AKR1E2: variants seen among roughly 807,000 people sequenced by gnomAD.
AKR1E2 encodes aldo-keto reductase family 1 member E2.
Under a neutral mutation model 41.9 loss-of-function variants are expected in AKR1E2, and 43 were observed. The observed-to-expected ratio is 1.03, with a 90% confidence interval of 0.80 to 1.32. The LOEUF is 1.32. Ranked by LOEUF, AKR1E2 falls within the 40% of genes most tolerant of loss-of-function variation. The pLI, the probability that AKR1E2 is intolerant of heterozygous loss-of-function variation, is 0.00. For missense variants in AKR1E2, 423 were observed against 396.5 expected, an observed-to-expected ratio of 1.07 and a Z score of -0.57; for synonymous variants, 121 against 138.9, an observed-to-expected ratio of 0.87 and a Z score of 0.91.
rs568064687 is a variant in AKR1E2, at chr10:4,826,235, C to A, written c.-90C>A. On this transcript the variant is annotated 5_prime_UTR_variant, in exon 1 of 10. Coordinates refer to ENST00000298375, the MANE Select transcript of AKR1E2 (RefSeq NM_001040177.3). ...ACAAGGCACTTCCAGCCAGTCGCAA[C>A]GGCGGGTCGCCAGCGCCGCAGTAGC... 4.6e-6 allele frequency: 5 copies of A among 1,081,842 alleles called. No homozygotes were observed. The highest frequency in any genetic ancestry group is 5.9e-6 in the Non-Finnish European group (5 of 849,954). 67.0% of individuals were successfully genotyped at this position (1,081,842 alleles called of 1,614,324 possible). A position where few individuals can be genotyped will look rare whatever the true frequency, so the allele number is the denominator to read the frequency against.
chr10:4,869,276 G>A, the AKR1E2 span, among the ~76,000 whole-genome samples: 1 of 152,070 alleles, frequency 6.6e-6, no homozygotes, highest in Admixed American at 6.5e-5. Flanking sequence ...TTTTTCAGGG[G>A]AATTGGTCCA....
the AKR1E2 span, among the ~76,000 whole-genome samples, chr10:4,855,236 T>C: frequency 6.6e-6 from 1 of 152,212 alleles, no homozygotes; most frequent in Non-Finnish European, 1.5e-5. Flanking sequence ...TTATCTTCTC[T>C]TCTTTGTAAA....
At chr10:4,863,478 T>C in the AKR1E2 span, among the ~76,000 whole-genome samples, 1 of 152,148 alleles carries the variant, frequency 6.6e-6, no homozygotes, top group Middle Eastern at 3.4e-3. Flanking sequence ...GAGGGAAATT[T>C]ATAGCACTAA....
At chr10:4,867,676 C>T in the AKR1E2 span, among the ~76,000 whole-genome samples, 2 of 152,162 alleles carry the variant, frequency 1.3e-5, no homozygotes, top group Admixed American at 6.5e-5. Context: ...GCCATTCATC[C>T]GTTGAAGAAC....
chr10:4,826,937 T>C (rs1397803010), intron 1 of AKR1E2, among the ~76,000 whole-genome samples: 1 of 151,586 alleles, frequency 6.6e-6, no homozygotes, highest in Non-Finnish European at 1.5e-5. Context: ...TCAGCTGGGC[T>C]TGGGGGTGCG....
chr10:4,834,901 A>G (rs1001936324), intron 3 of AKR1E2, among the ~76,000 whole-genome samples: 3 of 152,224 alleles, frequency 2.0e-5, no homozygotes, highest in Non-Finnish European at 4.4e-5. Flanking sequence ...GGGTCCGAGT[A>G]TGAGTCCCGG....
chr10:4,867,261 C>T, the AKR1E2 span, among the ~76,000 whole-genome samples: 33,138 of 152,066 alleles, frequency 0.22, 3,822 homozygotes, highest in Middle Eastern at 0.33. Context: ...AACCAAGATA[C>T]TGATATTGAT....
chr10:4,860,131 G>A, the AKR1E2 span, among the ~76,000 whole-genome samples: 6 of 152,256 alleles, frequency 3.9e-5, no homozygotes, highest in African/African-American at 1.4e-4. Flanking sequence ...TTTAACAGTT[G>A]GCAAGGCCTA....
the AKR1E2 span, among the ~76,000 whole-genome samples, chr10:4,869,533 CTATT>C: frequency 2.6e-5 from 4 of 151,864 alleles, no homozygotes; most frequent in South Asian, 4.2e-4. Context: ...TTCAGCTCCT[CTATT>C]TATTATTTCC....
the AKR1E2 span, among the ~76,000 whole-genome samples, chr10:4,855,331 T>C: frequency 2.0e-5 from 3 of 152,234 alleles, no homozygotes; most frequent in Admixed American, 6.5e-5. Flanking sequence ...TTCTGTATTG[T>C]TCTGTCATAA....
the AKR1E2 span, among the ~76,000 whole-genome samples, chr10:4,866,081 A>G: frequency 2.6e-5 from 4 of 152,212 alleles, no homozygotes; most frequent in Non-Finnish European, 4.4e-5. Flanking sequence ...GTTTCAGAGA[A>G]CAGCATGTAT....
intron 3 of AKR1E2, among the ~76,000 whole-genome samples, chr10:4,835,324 C>G (rs968955810): frequency 6.6e-6 from 1 of 152,192 alleles, no homozygotes; most frequent in African/African-American, 2.4e-5. Flanking sequence ...TGATTGGGCT[C>G]TATAAGACAT....
chr10:4,844,262 C>T (rs559732988), intron 8 of AKR1E2, among the ~76,000 whole-genome samples: 3 of 151,560 alleles, frequency 2.0e-5, no homozygotes, highest in African/African-American at 7.3e-5. Flanking sequence ...CTTAAGGTGG[C>T]GCGTCTGGAG....
At chr10:4,871,326 T>G in the AKR1E2 span, among the ~76,000 whole-genome samples, 1 of 152,188 alleles carries the variant, frequency 6.6e-6, no homozygotes, top group East Asian at 1.9e-4. Context: ...TTGCTTATCT[T>G]TATTTATTCA....
chr10:4,850,867 C>T (rs1190214234), downstream of AKR1E2, among the ~76,000 whole-genome samples: 6 of 152,174 alleles, frequency 3.9e-5, no homozygotes, highest in Admixed American at 2.0e-4. Flanking sequence ...TGATAAAATT[C>T]GCATTTTAGC....
Position 4,847,242 on chromosome 10 carries a change from T to A in AKR1E2, c.920+12T>A, listed in dbSNP as rs1235851551. 3.1e-6 allele frequency: 5 copies of A among 1,613,716 alleles called. No homozygotes were observed. Among genetic ancestry groups the A allele is most frequent in the African/African-American group, 2.7e-5 (2 of 75,036 alleles). ...GCCATGTTCCCCATGTAAATATGGC[T>A]CCTTCTTTTTAAAACAGAGGGAAGA... On this transcript the variant is annotated intron_variant, in intron 9 of 9. Transcript: ENST00000298375.
the AKR1E2 span, among the ~76,000 whole-genome samples, chr10:4,862,233 A>C: frequency 6.6e-6 from 1 of 152,156 alleles, no homozygotes; most frequent in Non-Finnish European, 1.5e-5. Flanking sequence ...CAAAGATCAG[A>C]TAGTTGTAGA....
At chr10:4,872,977 G>A in the AKR1E2 span, among the ~76,000 whole-genome samples, 3 of 152,234 alleles carry the variant, frequency 2.0e-5, no homozygotes, top group South Asian at 2.1e-4. Flanking sequence ...TAGGCAGGGG[G>A]AATGGCCAGT....
chr10:4,835,054 T>G (rs933859879), intron 3 of AKR1E2, among the ~76,000 whole-genome samples: 1 of 152,242 alleles, frequency 6.6e-6, no homozygotes, highest in Non-Finnish European at 1.5e-5. Flanking sequence ...CACTGTTGTT[T>G]AGGAGTGTGA....
Sources: gnomAD v4.1 joint callset for allele counts (sites outside exome capture counted in the v4.1 genomes callset) on GRCh38, gnomAD v4.1.1 for gene constraint, MANE v1.5 for transcripts, NCBI Gene and HGNC (gene_info 2026-07-23, HGNC 2026-07-21) for gene names.